The following KATNAL1 variants were observed in gnomAD, a reference collection of about 807,000 sequenced individuals.
KATNAL1 encodes katanin catalytic subunit A1 like 1, also known as katanin p60 ATPase-containing subunit A-like 1.
KATNAL1 carries 32 observed loss-of-function variants against 55.2 expected under a neutral mutation model. That is an observed-to-expected ratio of 0.58 (90% confidence interval 0.44 to 0.78). The LOEUF is 0.78. Among genes scored for constraint, KATNAL1 ranks in the 30% least tolerant of loss-of-function variants. KATNAL1 has a pLI of 0.00. For missense variants in KATNAL1, 466 were observed against 600.9 expected, an observed-to-expected ratio of 0.78 and a Z score of 2.35; for synonymous variants, 193 against 193.6, an observed-to-expected ratio of 1.00 and a Z score of 0.02.
At chr13:30,290,438 T>C (rs1882061089) in intron 1 of KATNAL1, among the ~76,000 whole-genome samples, 1 of 152,188 alleles carries the variant, frequency 6.6e-6, no homozygotes, top group South Asian at 2.1e-4. Context: ...AATTCTATGA[T>C]GGTCACACAC....
intron 6 of KATNAL1, among the ~76,000 whole-genome samples, chr13:30,233,429 G>GCACTCCT (rs1876309017): frequency 2.0e-5 from 3 of 151,982 alleles, no homozygotes; most frequent in Non-Finnish European, 4.4e-5. Context: ...CAATTAAAAT[G>GCACTCCT]GCTTTCATCA....
intron 1 of KATNAL1, among the ~76,000 whole-genome samples, chr13:30,306,022 GA>G (rs1883154817): frequency 6.6e-6 from 1 of 152,038 alleles, no homozygotes; most frequent in Admixed American, 6.6e-5. Flanking sequence ...TTAATTAAGA[GA>G]AAGTTTTATA....
rs187400229 is a variant in KATNAL1 at position 30,245,302 on chromosome 13, C to A, written c.493-4216G>T. ...ACATAAACAGAATCAATGACAAAAA[C>A]CACGTGATAATCTCAATACATGCAG... On this transcript the variant is annotated intron_variant, in intron 4 of 10. Transcript: ENST00000380615. Among the ~76,000 whole-genome samples the A allele has an allele frequency of 3.9e-5, 6 of 152,250 alleles. No homozygotes were observed. The East Asian group carries it at 9.6e-4, about 24-fold the overall frequency.
intron 1 of KATNAL1, among the ~76,000 whole-genome samples, chr13:30,303,422 C>T (rs1374184517): frequency 6.6e-6 from 1 of 152,076 alleles, no homozygotes; most frequent in Non-Finnish European, 1.5e-5. Context: ...TAATGTTGAG[C>T]CGGGTGTGGC....
Position 30,240,910 on chromosome 13 carries a change from T to A in KATNAL1, c.620+49A>T. 2.6e-6 allele frequency: 4 copies of A among 1,549,262 alleles called. No homozygotes were observed. The South Asian group carries it at 3.5e-5, about 13-fold the overall frequency. The stretch of plus-strand genomic sequence containing the variant: ...AAAACTCACACACCAAGACAACCTA[T>A]AATTTGTGTTCTCCTCTACTTTAAT... On this transcript the variant is annotated intron_variant, in intron 5 of 10. Transcript: ENST00000380615.
At position 30,258,648 on chromosome 13, in the gene KATNAL1, ATCCC is replaced by A. The variant is rs1305373851; in HGVS notation, c.324-3037_324-3034del. Reference sequence around the variant, plus strand: ...TTGCCTACCGCAAGATCATGATGATATCCCTCCCATGTTTTCTTCTAGAAGTTTT... The same window carrying A: ...TTGCCTACCGCAAGATCATGATGATATCCCATGTTTTCTTCTAGAAGTTTT... On this transcript the variant is annotated intron_variant, in intron 3 of 10. Transcript: ENST00000380615. Among the ~76,000 whole-genome samples, 4 of 152,194 alleles carry A rather than the reference ATCCC, an allele frequency of 2.6e-5. No homozygotes were observed. The East Asian group carries it at 7.7e-4, about 29-fold the overall frequency.
At chr13:30,225,678 ACACACAC>A (rs1875398045) in intron 9 of KATNAL1, among the ~76,000 whole-genome samples, 1 of 151,706 alleles carries the variant, frequency 6.6e-6, no homozygotes, top group African/African-American at 2.4e-5. Flanking sequence ...ACACACACAC[ACACACAC>A]AAATTCATTC....
In KATNAL1 at chr13:30,276,721, A is replaced by G. The variant is rs145255052; in HGVS notation, c.323+3342T>C. ...TAACAAGTAGATAATACCAGGATAT[A>G]CAGACGTGTATCAAAATATACCCAT... On this transcript the variant is annotated intron_variant, in intron 3 of 10. Transcript: ENST00000380615. Among the ~76,000 whole-genome samples the G allele has an allele frequency of 1.6e-3, 247 of 152,300 alleles. 1 individual carries two copies. The highest frequency in any genetic ancestry group is 5.4e-3 in the African/African-American group (226 of 41,570).
intron 4 of KATNAL1, among the ~76,000 whole-genome samples, chr13:30,243,464 TAC>T (rs1170805120): frequency 4.0e-5 from 6 of 151,898 alleles, no homozygotes; most frequent in Non-Finnish European, 8.8e-5. Context: ...ACTGATAAAT[TAC>T]ACCCAGGGAA....
intron 4 of KATNAL1, among the ~76,000 whole-genome samples, chr13:30,248,573 T>C (rs1009213125): frequency 6.6e-6 from 1 of 152,174 alleles, no homozygotes; most frequent in African/African-American, 2.4e-5. Flanking sequence ...ATCAGGTAAA[T>C]ACACACCACA....
chr13:30,282,137 T>G (rs9508691), intron 2 of KATNAL1, among the ~76,000 whole-genome samples: 51,622 of 151,860 alleles, frequency 0.34, 9,067 homozygotes, highest in Admixed American at 0.44. Context: ...AACATTAAAT[T>G]TAAAAAACGG....
At chr13:30,283,539 G>C (rs1881561210) in intron 2 of KATNAL1, 77 bp downstream of exon 2, 3 of 1,343,898 alleles carry the variant, frequency 2.2e-6, no homozygotes, top group Non-Finnish European at 1.0e-6. Context: ...CTCAAAATTA[G>C]ATTTTCCAAC....
At chr13:30,210,164 TAA>T in intron 10 of KATNAL1, 150 bp downstream of exon 10, 3 of 471,434 alleles carry the variant, frequency 6.4e-6, no homozygotes, top group Non-Finnish European at 1.1e-5. Flanking sequence ...AAGTTATATG[TAA>T]AAAAAAAGGG....
chr13:30,221,940 A>G (rs1487102696), intron 9 of KATNAL1, among the ~76,000 whole-genome samples: 1 of 152,158 alleles, frequency 6.6e-6, no homozygotes, highest in Non-Finnish European at 1.5e-5. Context: ...AATCCCAGCT[A>G]CTTGGGAGCC....
At chr13:30,249,946 T>C (rs565938946) in intron 4 of KATNAL1, among the ~76,000 whole-genome samples, 9 of 152,158 alleles carry the variant, frequency 5.9e-5, no homozygotes, top group Non-Finnish European at 1.2e-4. Flanking sequence ...TACACAAACT[T>C]TGAATAAGTT....
chr13:30,269,679 G>C (rs563494329), intron 3 of KATNAL1, among the ~76,000 whole-genome samples: 1 of 150,570 alleles, frequency 6.6e-6, no homozygotes, highest in South Asian at 2.1e-4. Flanking sequence ...GCCTCTACCC[G>C]GCCGCGACCC....
intron 3 of KATNAL1, 25 bp downstream of exon 3, chr13:30,280,038 A>G (rs144435609): frequency 1.3e-6 from 2 of 1,588,418 alleles, no homozygotes; most frequent in African/African-American, 1.4e-5. Context: ...AGAAGCACCT[A>G]AAGAGAATAT....
rs900757958 is a variant in KATNAL1 at position 30,202,792 on chromosome 13, G to C, written c.*5748C>G. 3 of 152,092 alleles carry C rather than the reference G, an allele frequency of 2.0e-5. No homozygotes were observed. The highest frequency in any genetic ancestry group is 4.4e-5 in the Non-Finnish European group (3 of 68,024). The allele number at this position is 152,092 out of a possible 1,614,324, so 9.4% of individuals were successfully genotyped here. On this transcript the variant is annotated 3_prime_UTR_variant, in exon 11 of 11. Transcript: ENST00000380615. ...TCTTTAAATTAGGTTCAAATACTGGGAGACAAACACTGAAACAAAAGTCTT... is the reference window on the plus strand; with the variant it reads ...TCTTTAAATTAGGTTCAAATACTGGCAGACAAACACTGAAACAAAAGTCTT...
At position 30,211,150 on chromosome 13, in the gene KATNAL1, TCTA is replaced by T. The variant is rs373890094; in HGVS notation, c.1148-711_1148-709del. On this transcript the variant is annotated intron_variant, in intron 9 of 10. Coordinates refer to ENST00000380615, the MANE Select transcript of KATNAL1 (RefSeq NM_032116.5). ...AATGCATTACTAGTTTATCTGGCGC[TCTA>T]CTATTTCCTGAGATACAAAATGAAA... Among the ~76,000 whole-genome samples the T allele has an allele frequency of 2.9e-3, 439 of 152,344 alleles. 4 individuals carry two copies. Among genetic ancestry groups the T allele is most frequent in the African/African-American group, 0.01 (417 of 41,580 alleles).
Sources: gnomAD v4.1 joint callset for allele counts (sites outside exome capture counted in the v4.1 genomes callset) on GRCh38, gnomAD v4.1.1 for gene constraint, MANE v1.5 for transcripts, NCBI Gene and HGNC (gene_info 2026-07-23, HGNC 2026-07-21) for gene names.